DNM1: variants seen among roughly 807,000 people sequenced by gnomAD.
The protein encoded by DNM1 is dynamin-1.
DNM1 carries 29 observed loss-of-function variants against 104.6 expected under a neutral mutation model. The observed-to-expected ratio is 0.28, with a 90% CI of 0.21 to 0.38. DNM1 has a LOEUF of 0.38. DNM1 is among the 10% of genes least tolerant of loss of function. The pLI is 1.00. For synonymous variants in DNM1, 445 were observed against 475.8 expected (o/e 0.94, Z 0.84); for missense variants, 640 against 1,189.4 (o/e 0.54, Z 6.79).
chr9:128,238,948 C>T (rs1836188251), intron 11 of DNM1, among the ~76,000 whole-genome samples: 1 of 152,142 alleles, frequency 6.6e-6, no homozygotes, highest in South Asian at 2.1e-4. Flanking sequence ...AGCCACCGCA[C>T]CTGGCCAATT....
In DNM1 at chr9:128,253,390, G is replaced by A. The variant is rs1829650397; in HGVS notation, c.2535-1264G>A. On this transcript the variant is annotated intron_variant, in intron 21 of 21. Coordinates refer to ENST00000372923, the MANE Select transcript of DNM1 (RefSeq NM_004408.4). The surrounding 1 kb of genome is among the most constrained non-coding windows in gnomAD (Gnocchi z 5.9). ...CCTGGAGGCTCTTGGAACAGGCTCC[G>A]CGCCCAAGCTGGCAGACATGGGTGC... 9 of 551,434 alleles carry A rather than the reference G, an allele frequency of 1.6e-5. No homozygotes were observed. Among genetic ancestry groups the A allele is most frequent in the South Asian group, 1.5e-4 (7 of 46,012 alleles). The allele number at this position is 551,434 out of a possible 1,614,324, so 34.2% of individuals were successfully genotyped here.
In DNM1 at chr9:128,222,668, G is replaced by C; in HGVS notation, c.1128+72G>C. On this transcript the variant is annotated intron_variant, in intron 8 of 21. Transcript: ENST00000372923. The surrounding 1 kb of genome is among the most constrained non-coding windows in gnomAD (Gnocchi z 7.8). ...CCCTCACTCAGGACTCTCTCTGCGT[G>C]TGTTTTTGCTGGCCCCCACCCCACA... The C allele has an allele frequency of 6.2e-7, 1 of 1,605,960 alleles. No individual in the cohort carries two copies.
rs1200178225 is a variant in DNM1 at position 128,224,825 on chromosome 9, G to C, written c.1335+436G>C. Among the ~76,000 whole-genome samples, 1 of 152,086 alleles carries C rather than the reference G, an allele frequency of 6.6e-6. No individual in the cohort carries two copies. Among genetic ancestry groups the C allele is most frequent in the Non-Finnish European group, 1.5e-5 (1 of 67,982 alleles). On this transcript the variant is annotated intron_variant, in intron 10 of 21. Coordinates refer to ENST00000372923, the MANE Select transcript of DNM1 (RefSeq NM_004408.4). The surrounding 1 kb of genome is among the most constrained non-coding windows in gnomAD (Gnocchi z 4.3). Reference sequence around the variant, plus strand: ...GCTCGGTGGGCCTGGGTGGCCAGAGGGGGTGCAGAGGACCCAGGACTAGCA... The same window carrying C: ...GCTCGGTGGGCCTGGGTGGCCAGAGCGGGTGCAGAGGACCCAGGACTAGCA...
At chr9:128,208,745 T>C (rs1481108648) in intron 1 of DNM1, among the ~76,000 whole-genome samples, 1 of 151,910 alleles carries the variant, frequency 6.6e-6, no homozygotes, top group Non-Finnish European at 1.5e-5. Flanking sequence ...AAAGAGCACG[T>C]TTGTCGTGTA....
rs1835254727 is a variant in DNM1 at position 128,224,968 on chromosome 9, C to A, written c.1335+579C>A. Among the ~76,000 whole-genome samples, 1 of 152,206 alleles carries A rather than the reference C, an allele frequency of 6.6e-6. No individual in the cohort carries two copies. The highest frequency in any genetic ancestry group is 2.4e-5 in the African/African-American group (1 of 41,446). On this transcript the variant is annotated intron_variant, in intron 10 of 21. Transcript: ENST00000372923. The surrounding 1 kb of genome is among the most constrained non-coding windows in gnomAD (Gnocchi z 4.3). Reference sequence around the variant, plus strand: ...CTCAGGGCCTCTCCCTCCCTTCCATCCACATCTGGCTTTCCAGGGATAGAG... The same window carrying A: ...CTCAGGGCCTCTCCCTCCCTTCCATACACATCTGGCTTTCCAGGGATAGAG...
Position 128,247,355 on chromosome 9 carries a change from C to G in DNM1, c.1782-20C>G. The G allele has an allele frequency of 6.3e-7, 1 of 1,578,646 alleles. No individual in the cohort carries two copies. ...GTCAGACTTTGCCCATCTGCCCTCA[C>G]TGCCTGCCCTATCTTGCAGGAATGT... On this transcript the variant is annotated intron_variant, in intron 16 of 21. Coordinates refer to ENST00000372923, the MANE Select transcript of DNM1 (RefSeq NM_004408.4). This position sits in a 1 kb window ranked among gnomAD's most constrained non-coding sequence, Gnocchi z 5.1.
intron 1 of DNM1, among the ~76,000 whole-genome samples, chr9:128,210,348 C>CATTATTATTATTATTATTATTATTATT (rs61012054): frequency 2.8e-5 from 4 of 141,610 alleles, no homozygotes; most frequent in Non-Finnish European, 6.1e-5. Context: ...ATTTATTTGG[C>CATTATTATTATTATTATTATTATTATT]ATTATTATTA....
chr9:128,253,214 C>G lies in DNM1; in HGVS notation c.2535-1440C>G. ...CACTAGCTCCACACGGGGCGCGCACCTGGGACCTCAGAGCCAGGCTCCCCG... is the reference window on the plus strand; with the variant it reads ...CACTAGCTCCACACGGGGCGCGCACGTGGGACCTCAGAGCCAGGCTCCCCG... On this transcript the variant is annotated intron_variant, in intron 21 of 21. Transcript: ENST00000372923. The surrounding 1 kb of genome is among the most constrained non-coding windows in gnomAD (Gnocchi z 5.9). The G allele has an allele frequency of 3.5e-6, 5 of 1,436,912 alleles. No individual in the cohort carries two copies. The highest frequency in any genetic ancestry group is 4.8e-6 in the Non-Finnish European group (5 of 1,039,292). 89.0% of individuals were successfully genotyped at this position (1,436,912 alleles called of 1,614,324 possible). A position where few individuals can be genotyped will look rare whatever the true frequency, so the allele number is the denominator to read the frequency against.
chr9:128,226,205 G>A (rs775643249), intron 10 of DNM1: 2 of 1,610,836 alleles, frequency 1.2e-6, no homozygotes, highest in South Asian at 2.2e-5. Flanking sequence ...GGCTGGGCCT[G>A]GCCGTCCATT....
At chr9:128,242,487 T>C (rs1208119453) in intron 15 of DNM1, 142 bp downstream of exon 15, 2 of 577,124 alleles carry the variant, frequency 3.5e-6, no homozygotes, top group African/African-American at 1.9e-5. Flanking sequence ...AGGCTGGGTG[T>C]GGTGGCTCAC....
chr9:128,231,812 C>T (rs1449943964), intron 10 of DNM1, among the ~76,000 whole-genome samples: 1 of 152,172 alleles, frequency 6.6e-6, no homozygotes, highest in East Asian at 1.9e-4. Flanking sequence ...CATGGAGAAA[C>T]TGAGGCCCAG....
chr9:128,239,537 A>C, intron 12 of DNM1, 22 bp downstream of exon 12: 1 of 1,600,616 alleles, frequency 6.2e-7, no homozygotes, highest in South Asian at 1.1e-5. Flanking sequence ...CCCAGGCAAA[A>C]AGTGAGTGCT....
At chr9:128,233,488 A>C in intron 10 of DNM1, 1 of 155,994 alleles carries the variant, frequency 6.4e-6, no homozygotes, top group Admixed American at 6.2e-5. Flanking sequence ...TCTGACAAGG[A>C]GCATTGCCTG....
chr9:128,239,561 A>C (rs1398656984), intron 12 of DNM1, 46 bp downstream of exon 12: 3 of 1,290,026 alleles, frequency 2.3e-6, no homozygotes, highest in African/African-American at 3.3e-5. Context: ...TGGGCAGAGA[A>C]GGTAACGTGT....
At chr9:128,235,120 G>A (rs1835932658) in intron 11 of DNM1, among the ~76,000 whole-genome samples, 1 of 152,092 alleles carries the variant, frequency 6.6e-6, no homozygotes, top group African/African-American at 2.4e-5. Context: ...CTTTTCTAGG[G>A]ACCTCACGTA....
At position 128,237,986 on chromosome 9, in the gene DNM1, G is replaced by A. The variant is rs562813571; in HGVS notation, c.1423-1459G>A. On this transcript the variant is annotated intron_variant, in intron 11 of 21. Coordinates refer to ENST00000372923, the MANE Select transcript of DNM1 (RefSeq NM_004408.4). ...GACAGGGTTTCTCCATGTTTCCCAG[G>A]TTGGTTTTGAATTCCTAGGTTCAAG... is the stretch of plus-strand genomic sequence containing the variant. 5.9e-5 allele frequency among the ~76,000 whole-genome samples: 9 copies of A among 151,886 alleles called. No individual in the cohort carries two copies. The East Asian group carries it at 1.2e-3, about 20-fold the overall frequency.
Position 128,247,203 on chromosome 9 carries a change from C to A in DNM1, c.1782-172C>A. 1.9e-6 allele frequency: 1 copy of A among 527,086 alleles called. No individual in the cohort carries two copies. The highest frequency in any genetic ancestry group is 2.7e-5 in the South Asian group (1 of 37,200). The allele number at this position is 527,086 out of a possible 1,614,324, so 32.7% of individuals were successfully genotyped here. On this transcript the variant is annotated intron_variant, in intron 16 of 21. Coordinates refer to ENST00000372923, the MANE Select transcript of DNM1 (RefSeq NM_004408.4). The surrounding 1 kb of genome is among the most constrained non-coding windows in gnomAD (Gnocchi z 5.1). ...CAAGGAGGCAGGAATTATTATTAACCCATCTTCCCAGTGAGGAAACTGAGG... is the reference window on the plus strand; with the variant it reads ...CAAGGAGGCAGGAATTATTATTAACACATCTTCCCAGTGAGGAAACTGAGG...
chr9:128,220,426 G>A lies in DNM1; in HGVS notation c.849+85G>A. On this transcript the variant is annotated intron_variant, in intron 6 of 21. Transcript: ENST00000372923. The surrounding 1 kb of genome is among the most constrained non-coding windows in gnomAD (Gnocchi z 5.2). ...GTGTGTTCTGAGAGTGAACAGCAGA[G>A]GTTAGCCTCTCCGTAGTGCAGATAG... is the stretch of plus-strand genomic sequence containing the variant. 10 of 1,535,912 alleles carry A rather than the reference G, an allele frequency of 6.5e-6. No homozygotes were observed. In the South Asian group the frequency reaches 1.1e-4, roughly 18 times the overall value.
rs1588368929 is a variant in DNM1, at chr9:128,222,348, C to T, written c.992+9C>T. 6.2e-7 allele frequency: 1 copy of T among 1,611,198 alleles called. No homozygotes were observed. The highest frequency in any genetic ancestry group is 8.5e-7 in the Non-Finnish European group (1 of 1,178,188). Reference sequence around the variant, plus strand: ...ACCAAGGCCCTGCTGCAGTGAGGCTCCCCCAGCTCCTATCACTGAATCCCC... The same window carrying T: ...ACCAAGGCCCTGCTGCAGTGAGGCTTCCCCAGCTCCTATCACTGAATCCCC... On this transcript the variant is annotated intron_variant, in intron 7 of 21. Transcript: ENST00000372923. This position sits in a 1 kb window ranked among gnomAD's most constrained non-coding sequence, Gnocchi z 7.8.
Sources: gnomAD v4.1 joint callset for allele counts (sites outside exome capture counted in the v4.1 genomes callset) on GRCh38, gnomAD v4.1.1 for gene constraint, Gnocchi (gnomAD v3.1) non-coding constraint, MANE v1.5 for transcripts, NCBI Gene and HGNC (gene_info 2026-07-23, HGNC 2026-07-21) for gene names.